The following SNX18 variants were observed in gnomAD, a reference collection of about 807,000 sequenced individuals.
The protein encoded by SNX18 is sorting nexin 18, also known as sorting nexin-18.
A neutral mutation model predicts 48.7 loss-of-function variants in SNX18; 35 were observed. The observed-to-expected ratio is 0.72, with a 90% CI of 0.55 to 0.95. The LOEUF (loss-of-function observed/expected upper bound fraction) is 0.95. SNX18 is among the 40% of genes least tolerant of loss of function. The pLI is 0.00. For missense variants in SNX18, 824 were observed against 871.0 expected (o/e 0.95, Z 0.68); for synonymous variants, 492 against 384.7 (o/e 1.28, Z -3.26).
At chr5:54,562,123 C>G in the SNX18 span, among the ~76,000 whole-genome samples, 2 of 152,102 alleles carry the variant, frequency 1.3e-5, no homozygotes, top group African/African-American at 4.8e-5. Flanking sequence ...AGTGCACAGC[C>G]TTCGTTAGCT....
chr5:54,522,221 ACAT>A (rs968067000), intron 1 of SNX18, among the ~76,000 whole-genome samples: 1 of 152,202 alleles, frequency 6.6e-6, no homozygotes, highest in African/African-American at 2.4e-5. Context: ...GATGAGACAA[ACAT>A]CATAAGCCAG....
At chr5:54,582,982 C>T in the SNX18 span, among the ~76,000 whole-genome samples, 2 of 152,096 alleles carry the variant, frequency 1.3e-5, no homozygotes, top group Admixed American at 1.3e-4. Flanking sequence ...TCAGTATAGC[C>T]CATAGTCACC....
In SNX18 at chr5:54,546,306, A is replaced by G. The variant is rs1392577439; in HGVS notation, c.*2874A>G. ...GTCAAGTATGTAAAGTTTGTGTAAA[A>G]ACTTTTAAATGTCATTCTTAAGTTC... On this transcript the variant is annotated 3_prime_UTR_variant, in exon 2 of 2. Coordinates refer to ENST00000381410, the MANE Select transcript of SNX18 (RefSeq NM_001102575.2). 3 of 152,220 alleles carry G rather than the reference A, an allele frequency of 2.0e-5. No individual in the cohort carries two copies. The highest frequency in any genetic ancestry group is 7.2e-5 in the African/African-American group (3 of 41,460). 9.4% of individuals were successfully genotyped at this position (152,220 alleles called of 1,614,324 possible). A position where few individuals can be genotyped will look rare whatever the true frequency, so the allele number is the denominator to read the frequency against.
the SNX18 span, among the ~76,000 whole-genome samples, chr5:54,590,075 G>A: frequency 6.6e-6 from 1 of 152,244 alleles, no homozygotes; most frequent in African/African-American, 2.4e-5. Flanking sequence ...ATAGGCGTGA[G>A]CCACTGCACC....
the SNX18 span, among the ~76,000 whole-genome samples, chr5:54,634,558 C>T: frequency 6.6e-6 from 1 of 151,838 alleles, no homozygotes; most frequent in East Asian, 1.9e-4. Context: ...ATCAGCGATC[C>T]TTAGTGTTAA....
chr5:54,546,740 ATTAAT>A (rs1332268933), downstream of SNX18, among the ~76,000 whole-genome samples: 1 of 152,242 alleles, frequency 6.6e-6, no homozygotes, highest in African/African-American at 2.4e-5. Flanking sequence ...AGCTAATTTG[ATTAAT>A]TTAAAACCAT....
chr5:54,536,851 G>A (rs1424039682), intron 1 of SNX18, among the ~76,000 whole-genome samples: 2 of 152,208 alleles, frequency 1.3e-5, no homozygotes, highest in East Asian at 1.9e-4. Flanking sequence ...TACCAACAGT[G>A]TAAAAGTGTT....
chr5:54,588,381 G>C, the SNX18 span, among the ~76,000 whole-genome samples: 1 of 123,718 alleles, frequency 8.1e-6, no homozygotes, highest in Non-Finnish European at 1.6e-5. Context: ...AGGCTGGAGT[G>C]CAGTGGCGTG....
chr5:54,560,087 A>G, the SNX18 span, among the ~76,000 whole-genome samples: 4 of 152,228 alleles, frequency 2.6e-5, no homozygotes, highest in Non-Finnish European at 4.4e-5. Context: ...AAAGACCTAA[A>G]AACAGAAATA....
intron 1 of SNX18, among the ~76,000 whole-genome samples, chr5:54,540,382 A>AT (rs1268696086): frequency 1.3e-5 from 2 of 151,782 alleles, no homozygotes; most frequent in African/African-American, 2.4e-5. Flanking sequence ...TGACTGGCTA[A>AT]TTTTTTGTAT....
chr5:54,607,089 C>A, the SNX18 span, among the ~76,000 whole-genome samples: 2 of 152,088 alleles, frequency 1.3e-5, no homozygotes, highest in Admixed American at 6.5e-5. Context: ...TTGAGAAAGG[C>A]CTTTGTGTGG....
chr5:54,588,306 C>CTTTTTTTTTTTTTTTTTTTTTTTTT, the SNX18 span, among the ~76,000 whole-genome samples: 6 of 73,910 alleles, frequency 8.1e-5, no homozygotes, highest in Non-Finnish European at 1.5e-4. Context: ...TATTTCTATT[C>CTTTTTTTTTTTTTTTTTTTTTTTTT]TTTTTTTTTT....
At chr5:54,537,007 T>C (rs1247028073) in intron 1 of SNX18, among the ~76,000 whole-genome samples, 2 of 152,236 alleles carry the variant, frequency 1.3e-5, no homozygotes, top group African/African-American at 4.8e-5. Flanking sequence ...TTCATGTGTC[T>C]GTCAGCTGCA....
the SNX18 span, among the ~76,000 whole-genome samples, chr5:54,630,659 C>A: frequency 1.3e-5 from 2 of 152,000 alleles, no homozygotes; most frequent in African/African-American, 4.8e-5. Flanking sequence ...CATGGTGAAA[C>A]CCTGTCTCTA....
At chr5:54,585,541 T>G in the SNX18 span, among the ~76,000 whole-genome samples, 3 of 152,210 alleles carry the variant, frequency 2.0e-5, no homozygotes, top group Admixed American at 6.5e-5. Flanking sequence ...GACATGGGAC[T>G]TCCCCTGAGT....
chr5:54,575,857 G>A, the SNX18 span, among the ~76,000 whole-genome samples: 1 of 152,086 alleles, frequency 6.6e-6, no homozygotes, highest in African/African-American at 2.4e-5. Flanking sequence ...GTAACCCCTA[G>A]TGGCTTCCCC....
At chr5:54,572,875 C>T in the SNX18 span, among the ~76,000 whole-genome samples, 1 of 142,756 alleles carries the variant, frequency 7.0e-6, no homozygotes, top group East Asian at 2.1e-4. Flanking sequence ...CTCACTGCAA[C>T]CTCCGCCTCC....
downstream of SNX18, among the ~76,000 whole-genome samples, chr5:54,549,783 G>C (rs1033753487): frequency 4.6e-5 from 7 of 152,168 alleles, no homozygotes; most frequent in African/African-American, 1.7e-4. Flanking sequence ...CCCTGGCCTC[G>C]TGTTACATAC....
the SNX18 span, among the ~76,000 whole-genome samples, chr5:54,590,146 T>A: frequency 1.7e-3 from 266 of 152,344 alleles, 1 homozygote; most frequent in African/African-American, 6.2e-3. Context: ...AAAGTAGACA[T>A]GGCCTCTTCC....
Sources: allele counts gnomAD v4.1 joint callset (sites outside exome capture counted in the v4.1 genomes callset), GRCh38; gene constraint gnomAD v4.1.1; transcripts MANE v1.5; gene names NCBI Gene and HGNC (gene_info 2026-07-23, HGNC 2026-07-21).